Variants in SMYD2 observed in about 807,000 individuals in gnomAD.
SMYD2 encodes SET and MYND domain containing 2, also known as N-lysine methyltransferase SMYD2.
In SMYD2, 53 loss-of-function variants were observed where a neutral mutation model predicts 59.1. That is an observed-to-expected ratio of 0.90 (90% CI 0.72 to 1.13). The LOEUF is 1.13. SMYD2 is among the 50% of genes most tolerant of loss of function. The pLI is 0.00. For synonymous variants in SMYD2, 208 were observed against 198.8 expected (o/e 1.05, Z -0.39); for missense variants, 494 against 544.7 (o/e 0.91, Z 0.93).
intron 5 of SMYD2, among the ~76,000 whole-genome samples, chr1:214,322,725 T>G (rs7415030): frequency 6.6e-6 from 1 of 152,342 alleles, no homozygotes; most frequent in East Asian, 1.9e-4. Flanking sequence ...GTCTGAATTC[T>G]GGCTCCTGTT....
intron 1 of SMYD2, among the ~76,000 whole-genome samples, chr1:214,284,663 T>A (rs1290555189): frequency 6.6e-6 from 1 of 151,006 alleles, no homozygotes. Flanking sequence ...GCCTCCCGGG[T>A]TCAAGTGATT....
At chr1:214,300,896 C>T (rs956413279) in intron 1 of SMYD2, among the ~76,000 whole-genome samples, 4 of 152,124 alleles carry the variant, frequency 2.6e-5, no homozygotes, top group African/African-American at 9.7e-5. Context: ...TTCAGGGTCC[C>T]TCTGTACTCT....
intron 2 of SMYD2, among the ~76,000 whole-genome samples, chr1:214,313,384 A>G (rs931821897): frequency 2.6e-5 from 4 of 151,842 alleles, no homozygotes; most frequent in Non-Finnish European, 5.9e-5. Flanking sequence ...CCCTGCCCTG[A>G]GCATTTATGG....
chr1:214,298,841 A>G (rs12081925), intron 1 of SMYD2, among the ~76,000 whole-genome samples: 83,991 of 152,012 alleles, frequency 0.55, 23,591 homozygotes, highest in Non-Finnish European at 0.58. Flanking sequence ...TAAAATGGCT[A>G]TTATTAAACA....
chr1:214,295,180 C>T (rs1656703526), intron 1 of SMYD2, among the ~76,000 whole-genome samples: 1 of 152,158 alleles, frequency 6.6e-6, no homozygotes, highest in African/African-American at 2.4e-5. Flanking sequence ...GTTACTCTGA[C>T]CTTGCACAAA....
At chr1:214,336,334 C>A (rs1657436702) in intron 11 of SMYD2, among the ~76,000 whole-genome samples, 1 of 152,134 alleles carries the variant, frequency 6.6e-6, no homozygotes, top group African/African-American at 2.4e-5. Context: ...AGATCGAGAC[C>A]ATCCTGGCTA....
chr1:214,285,192 T>G (rs1178425227), intron 1 of SMYD2, among the ~76,000 whole-genome samples: 1 of 43,564 alleles, frequency 2.3e-5, no homozygotes, highest in Non-Finnish European at 4.7e-5. Context: ...TATAAAGGCT[T>G]TTTTTCCTCA....
chr1:214,281,440 C>G lies in SMYD2; in HGVS notation c.173+13C>G, dbSNP rs762577200. 1 of 1,383,988 alleles carries G rather than the reference C, an allele frequency of 7.2e-7. No homozygotes were observed. The highest frequency in any genetic ancestry group is 1.9e-5 in the South Asian group (1 of 53,172). The allele number at this position is 1,383,988 out of a possible 1,614,324, so 85.7% of individuals were successfully genotyped here. A position where few individuals can be genotyped will look rare whatever the true frequency, so the allele number is the denominator to read the frequency against. ...ACTGCTTCACCAGGTAGGGCGGCGG[C>G]GGCGGCGGCGGCGGGCGGGAGCCGG... is the stretch of plus-strand genomic sequence containing the variant. On this transcript the variant is annotated intron_variant, in intron 1 of 11. Transcript: ENST00000366957.
At chr1:214,331,157 GGATTT>G in intron 9 of SMYD2, 87 bp downstream of exon 9, 2 of 1,575,028 alleles carry the variant, frequency 1.3e-6, no homozygotes, top group Non-Finnish European at 8.6e-7. Flanking sequence ...GGAGAAGGAT[GGATTT>G]AAGATTCTGA....
intron 1 of SMYD2, among the ~76,000 whole-genome samples, chr1:214,294,529 G>T (rs2885209): frequency 1.3e-5 from 2 of 152,220 alleles, no homozygotes; most frequent in Admixed American, 6.5e-5. Flanking sequence ...TTAGCTGGGC[G>T]TGGTGGTTCA....
chr1:214,284,732 T>G (rs1653734095), intron 1 of SMYD2, among the ~76,000 whole-genome samples: 1 of 152,082 alleles, frequency 6.6e-6, no homozygotes, highest in Admixed American at 6.6e-5. Flanking sequence ...GCCAGGCTGG[T>G]CTCGAACTCC....
At chr1:214,286,608 T>C (rs923705583) in intron 1 of SMYD2, among the ~76,000 whole-genome samples, 4 of 151,958 alleles carry the variant, frequency 2.6e-5, no homozygotes, top group African/African-American at 9.7e-5. Flanking sequence ...CTGTCTCCTC[T>C]GAAGATACAA....
At chr1:214,297,314 GT>G (rs3032359) in intron 1 of SMYD2, among the ~76,000 whole-genome samples, 110 of 144,468 alleles carry the variant, frequency 7.6e-4, no homozygotes, top group South Asian at 1.5e-3. Context: ...GTTATTTCAG[GT>G]TTTTTTTTTT....
intron 10 of SMYD2, 185 bp from the exon 11 acceptor site, chr1:214,334,015 T>C: frequency 1.9e-6 from 1 of 521,428 alleles, no homozygotes; most frequent in Non-Finnish European, 3.5e-6. Context: ...ATGAACAACA[T>C]CTGCAATGAT....
chr1:214,313,120 TTTA>T (rs1558053691), intron 2 of SMYD2, among the ~76,000 whole-genome samples: 1 of 152,016 alleles, frequency 6.6e-6, no homozygotes, highest in Non-Finnish European at 1.5e-5. Flanking sequence ...GGCCTGAGCA[TTTA>T]TTTTTATTTT....
intron 6 of SMYD2, 67 bp downstream of exon 6, chr1:214,324,775 T>C: frequency 1.4e-6 from 2 of 1,453,938 alleles, no homozygotes; most frequent in Non-Finnish European, 9.5e-7. Context: ...TTTTTTTTCA[T>C]TTTTAAATAA....
At chr1:214,334,854 G>A (rs1657411659) in intron 11 of SMYD2, among the ~76,000 whole-genome samples, 2 of 152,206 alleles carry the variant, frequency 1.3e-5, no homozygotes, top group African/African-American at 4.8e-5. Context: ...ATAGCCTAGG[G>A]TACATGGTGG....
At chr1:214,326,652 TGCACTTG>T (rs1657268321) in intron 6 of SMYD2, among the ~76,000 whole-genome samples, 1 of 152,162 alleles carries the variant, frequency 6.6e-6, no homozygotes, top group African/African-American at 2.4e-5. Context: ...GGTGGGGGAG[TGCACTTG>T]GCCATAGGCC....
At chr1:214,307,966 C>G (rs1656941219) in intron 2 of SMYD2, among the ~76,000 whole-genome samples, 1 of 152,198 alleles carries the variant, frequency 6.6e-6, no homozygotes, top group African/African-American at 2.4e-5. Context: ...ACTTGGGGAG[C>G]AAGGAACCCC....
Sources: allele counts gnomAD v4.1 joint callset (sites outside exome capture counted in the v4.1 genomes callset), GRCh38; gene constraint gnomAD v4.1.1; transcripts MANE v1.5; gene names NCBI Gene and HGNC (gene_info 2026-07-23, HGNC 2026-07-21).